The following FAM76B variants were observed in gnomAD, a reference collection of about 807,000 sequenced individuals.
FAM76B encodes the protein protein FAM76B.
A neutral mutation model predicts 51.8 loss-of-function variants in FAM76B; 16 were observed. The observed-to-expected ratio is 0.31, with a 90% CI of 0.21 to 0.47. The LOEUF (loss-of-function observed/expected upper bound fraction) is 0.47. FAM76B is among the 20% of genes least tolerant of loss of function. The pLI is 1.00. For missense variants in FAM76B, 342 were observed against 392.6 expected, an observed-to-expected ratio of 0.87 and a Z score of 1.09; for synonymous variants, 166 against 129.5, an observed-to-expected ratio of 1.28 and a Z score of -1.91.
intron 4 of FAM76B, among the ~76,000 whole-genome samples, chr11:95,783,806 A>G (rs1029193786): frequency 3.3e-5 from 5 of 152,250 alleles, no homozygotes; most frequent in Non-Finnish European, 5.9e-5. Flanking sequence ...CACATACACA[A>G]GAGTGGTGAA....
At chr11:95,788,334 G>T (rs953494141) in intron 2 of FAM76B, among the ~76,000 whole-genome samples, 165 bp downstream of exon 2, 1 of 151,520 alleles carries the variant, frequency 6.6e-6, no homozygotes, top group African/African-American at 2.4e-5. Flanking sequence ...GGTTTTTTTC[G>T]CAACATTCTC....
rs756522881 is a variant in FAM76B at position 95,773,654 on chromosome 11, G to A, written c.931-2004C>T. On this transcript the variant is annotated intron_variant, in intron 9 of 9. Coordinates refer to ENST00000358780, the MANE Select transcript of FAM76B (RefSeq NM_144664.5). ...ATTTGTAACACAAACTCCACCATCCGAACTCAAAATGAGTTGAAGGAACTT... is the reference window on the plus strand; with the variant it reads ...ATTTGTAACACAAACTCCACCATCCAAACTCAAAATGAGTTGAAGGAACTT... Among the ~76,000 whole-genome samples the A allele has an allele frequency of 6.0e-5, 9 of 151,178 alleles. No individual in the cohort carries two copies. In the South Asian group the frequency reaches 1.0e-3, roughly 17 times the overall value.
chr11:95,782,572 A>C (rs1005750217), intron 5 of FAM76B, among the ~76,000 whole-genome samples: 10 of 152,142 alleles, frequency 6.6e-5, no homozygotes, highest in African/African-American at 2.4e-4. Flanking sequence ...TTAGTTAAAA[A>C]TATTGCTCAT....
rs776423433 is a variant in FAM76B at position 95,789,490 on chromosome 11, G to C, written c.-12C>G. On this transcript the variant is annotated 5_prime_UTR_variant, in exon 1 of 10. Transcript: ENST00000358780. Reference sequence around the variant, plus strand: ...GCCGAGGCCGCCATCCTGCTCCTCAGTCTCCTCCTCCGCCGCCGCCCGCTC... The same window carrying C: ...GCCGAGGCCGCCATCCTGCTCCTCACTCTCCTCCTCCGCCGCCGCCCGCTC... 1.1e-5 allele frequency: 18 copies of C among 1,594,648 alleles called. No individual in the cohort carries two copies. The highest frequency in any genetic ancestry group is 1.4e-5 in the Non-Finnish European group (16 of 1,171,160).
intron 1 of FAM76B, chr11:95,788,938 C>T (rs1184775904): frequency 7.4e-7 from 1 of 1,348,916 alleles, no homozygotes; most frequent in Non-Finnish European, 9.7e-7. Context: ...AAACCAGTCG[C>T]TTCGCTTTCC....
At position 95,779,871 on chromosome 11, in the gene FAM76B, G is replaced by T. The variant is rs947287158; in HGVS notation, c.611+8C>A. ...AAAATACTTCAGAAAATACAGCAAT[G>T]TATTTACCTCTGTTTCCACAGTCCC... is the stretch of plus-strand genomic sequence containing the variant. On this transcript the variant is annotated splice_region_variant and intron_variant, in intron 6 of 9. Coordinates refer to ENST00000358780, the MANE Select transcript of FAM76B (RefSeq NM_144664.5). The T allele has an allele frequency of 1.2e-6, 2 of 1,601,390 alleles. No homozygotes were observed. The highest frequency in any genetic ancestry group is 2.7e-5 in the African/African-American group (2 of 74,068).
At chr11:95,781,083 T>C (rs1421442819) in intron 5 of FAM76B, among the ~76,000 whole-genome samples, 1 of 151,902 alleles carries the variant, frequency 6.6e-6, no homozygotes, top group Non-Finnish European at 1.5e-5. Flanking sequence ...GTTGTCCCTT[T>C]TTTTTTTTTC....
At chr11:95,784,265 C>T (rs564509616) in intron 4 of FAM76B, among the ~76,000 whole-genome samples, 1 of 151,974 alleles carries the variant, frequency 6.6e-6, no homozygotes, top group Non-Finnish European at 1.5e-5. Context: ...CTGAGGGGAA[C>T]AACACACATT....
intron 8 of FAM76B, among the ~76,000 whole-genome samples, chr11:95,777,490 T>C (rs1367681317): frequency 1.3e-5 from 2 of 151,428 alleles, no homozygotes; most frequent in Non-Finnish European, 3.0e-5. Flanking sequence ...AAAGTTGGCA[T>C]TTTATTCAAC....
intron 9 of FAM76B, among the ~76,000 whole-genome samples, chr11:95,775,198 A>C (rs1315078400): frequency 6.6e-6 from 1 of 151,480 alleles, no homozygotes; most frequent in East Asian, 1.9e-4. Context: ...TAATTAATTT[A>C]GTGTGGTCTG....
chr11:95,773,894 T>C (rs931086700), intron 9 of FAM76B, among the ~76,000 whole-genome samples: 1 of 151,384 alleles, frequency 6.6e-6, no homozygotes, highest in East Asian at 1.9e-4. Flanking sequence ...GTTTGGCAGT[T>C]AAAAATATTT....
At chr11:95,787,221 T>G (rs761228058) in intron 3 of FAM76B, among the ~76,000 whole-genome samples, 1 of 152,210 alleles carries the variant, frequency 6.6e-6, no homozygotes, top group East Asian at 1.9e-4. Context: ...TGTTGAAATA[T>G]CTAAGAGCAT....
chr11:95,777,120 C>T (rs143274048), intron 8 of FAM76B, among the ~76,000 whole-genome samples: 1 of 151,386 alleles, frequency 6.6e-6, no homozygotes, highest in African/African-American at 2.4e-5. Context: ...AGAATTATGT[C>T]TTATTTATTC....
Position 95,779,672 on chromosome 11 carries a change from T to G in FAM76B, c.627A>C (p.Ala209=). 1 of 1,610,206 alleles carries G rather than the reference T, an allele frequency of 6.2e-7. No individual in the cohort carries two copies. ...GLWKQSHKSS[A]TIQNETPKKK... is the part of the protein sequence containing the mutation. The stretch of plus-strand genomic sequence containing the variant: ...TCTTTGGAGTTTCATTCTGAATTGT[T>G]GCAGAGGATTTATGGCTGAAACCAA... The change falls in exon 7 of 10, where the codon GCA becomes GCC. Residue 209 remains alanine (A), a synonymous_variant. Coordinates refer to ENST00000358780, the MANE Select transcript of FAM76B (RefSeq NM_144664.5).
At chr11:95,787,712 G>A (rs562940625) in intron 2 of FAM76B, 34 bp from the exon 3 acceptor site, 18 of 1,533,492 alleles carry the variant, frequency 1.2e-5, no homozygotes, top group Non-Finnish European at 1.6e-5. Flanking sequence ...TCATGTTTAT[G>A]TAGCTTTCTA....
At chr11:95,785,518 G>A (rs930886476) in intron 4 of FAM76B, among the ~76,000 whole-genome samples, 2 of 152,160 alleles carry the variant, frequency 1.3e-5, no homozygotes, top group Admixed American at 1.3e-4. Flanking sequence ...AGACATGCTG[G>A]AGGGACATGT....
At chr11:95,777,555 G>A (rs1352879056) in intron 8 of FAM76B, among the ~76,000 whole-genome samples, 1 of 151,126 alleles carries the variant, frequency 6.6e-6, no homozygotes, top group African/African-American at 2.4e-5. Context: ...TTTGTACACA[G>A]GACAAATTTC....
intron 1 of FAM76B, 195 bp from the exon 2 acceptor site, chr11:95,788,758 T>C: frequency 7.2e-7 from 1 of 1,387,246 alleles, no homozygotes; most frequent in South Asian, 1.3e-5. Flanking sequence ...CAGGTGTCTT[T>C]GTCTTTAGTA....
At chr11:95,783,835 A>AG (rs1342529079) in intron 4 of FAM76B, among the ~76,000 whole-genome samples, 1 of 152,206 alleles carries the variant, frequency 6.6e-6, no homozygotes, top group African/African-American at 2.4e-5. Context: ...GCCACCCAAT[A>AG]GCACACATTC....
Sources: gnomAD v4.1 joint callset for allele counts (sites outside exome capture counted in the v4.1 genomes callset) on GRCh38, gnomAD v4.1.1 for gene constraint, MANE v1.5 for transcripts, NCBI Gene and HGNC (gene_info 2026-07-23, HGNC 2026-07-21) for gene names.